ATP9A: variants seen among roughly 807,000 people sequenced by gnomAD.
ATP9A encodes ATPase phospholipid transporting 9A, also known as probable phospholipid-transporting ATPase IIA.
In ATP9A, 52 loss-of-function variants were observed where a neutral mutation model predicts 144.1. The observed-to-expected ratio is 0.36, with a 90% CI of 0.29 to 0.45. The LOEUF (loss-of-function observed/expected upper bound fraction) is 0.45, where lower values mean the gene tolerates loss of function less well. Among genes scored for constraint, ATP9A ranks in the 20% least tolerant of loss-of-function variants. The pLI, the probability that ATP9A is intolerant of heterozygous loss-of-function variation, is 1.00. For missense variants in ATP9A, 947 were observed against 1,392.7 expected (o/e 0.68, Z 5.09); for synonymous variants, 582 against 557.4 (o/e 1.04, Z -0.62).
chr20:51,724,218 G>C (rs1387454285), intron 3 of ATP9A, among the ~76,000 whole-genome samples: 1 of 152,162 alleles, frequency 6.6e-6, no homozygotes, highest in Non-Finnish European at 1.5e-5. Context: ...TTTATGAACA[G>C]AGAATCCAAG....
At chr20:51,750,998 A>G (rs1272326523) in intron 1 of ATP9A, among the ~76,000 whole-genome samples, 1 of 152,164 alleles carries the variant, frequency 6.6e-6, no homozygotes, top group East Asian at 1.9e-4. Flanking sequence ...ACGTCCAACA[A>G]GAGGCAGGAG....
At chr20:51,734,863 C>A in intron 1 of ATP9A, 1 of 216,660 alleles carries the variant, frequency 4.6e-6, no homozygotes, top group South Asian at 7.9e-5. Context: ...CCCAAGATCT[C>A]AAAGGGTGTC....
intron 10 of ATP9A, 129 bp downstream of exon 10, chr20:51,676,003 T>C (rs770597600): frequency 1.1e-5 from 7 of 637,526 alleles, no homozygotes; most frequent in Middle Eastern, 2.9e-4. Context: ...CACACACACA[T>C]ATGCATAAAA....
chr20:51,702,056 T>C (rs2077595521), intron 4 of ATP9A, among the ~76,000 whole-genome samples: 2 of 152,048 alleles, frequency 1.3e-5, no homozygotes, highest in South Asian at 4.2e-4. Flanking sequence ...TCCCAGCACT[T>C]TGGGAGGCCG....
Position 51,729,951 on chromosome 20 carries a change from A to G in ATP9A, c.96T>C (p.Gly32=). 1 of 1,569,410 alleles carries G rather than the reference A, an allele frequency of 6.4e-7. No homozygotes were observed. The highest frequency in any genetic ancestry group is 1.2e-5 in the South Asian group (1 of 84,936). Residue 32 remains glycine, a synonymous_variant, in exon 2 of 28, where the codon GGT becomes GGC. Transcript: ENST00000338821. ...CAGTGCGGGGCCTGGCCTCCCCTCC[A>G]CCGCAGCATCTCAGCCACTCGCAGC... The part of the protein sequence containing the change: ...AGCCEWLRCC[G]GGEARPRTVW...
intron 9 of ATP9A, among the ~76,000 whole-genome samples, chr20:51,677,226 G>A (rs1258913867): frequency 6.6e-6 from 1 of 151,950 alleles, no homozygotes; most frequent in Non-Finnish European, 1.5e-5. Context: ...GAGCCACCTC[G>A]CCCAACCCAA....
At chr20:51,621,162 A>AAC (rs2077225443) in intron 19 of ATP9A, among the ~76,000 whole-genome samples, 1 of 151,686 alleles carries the variant, frequency 6.6e-6, no homozygotes, top group Non-Finnish European at 1.5e-5. Context: ...AAAAAAAAAA[A>AAC]AGGAGAGATT....
intron 1 of ATP9A, among the ~76,000 whole-genome samples, chr20:51,750,093 T>C (rs2122901923): frequency 6.6e-6 from 1 of 152,148 alleles, no homozygotes; most frequent in Non-Finnish European, 1.5e-5. Flanking sequence ...AGGCGGAGGT[T>C]GCGGTGAGCC....
At chr20:51,731,083 A>AGGTACC (rs1461946506) in intron 1 of ATP9A, among the ~76,000 whole-genome samples, 1 of 151,520 alleles carries the variant, frequency 6.6e-6, no homozygotes, top group Admixed American at 6.6e-5. Flanking sequence ...AGGCAGGCGG[A>AGGTACC]TCATGAGGTC....
intron 1 of ATP9A, among the ~76,000 whole-genome samples, chr20:51,761,418 C>G (rs756612954): frequency 1.3e-5 from 2 of 152,156 alleles, no homozygotes; most frequent in Non-Finnish European, 2.9e-5. Context: ...TTCCCAGGGT[C>G]TGCAGCACAC....
At chr20:51,603,677 C>G (rs1191890408) in intron 27 of ATP9A, among the ~76,000 whole-genome samples, 1 of 152,164 alleles carries the variant, frequency 6.6e-6, no homozygotes, top group Admixed American at 6.5e-5. Context: ...CCAAGAGTAC[C>G]TGGAATCACT....
intron 9 of ATP9A, among the ~76,000 whole-genome samples, chr20:51,680,960 C>A (rs938910624): frequency 1.3e-5 from 2 of 152,130 alleles, no homozygotes; most frequent in South Asian, 2.1e-4. Flanking sequence ...CCCCTCCCCC[C>A]AAAATAACCG....
At chr20:51,712,921 C>A (rs1235997852) in intron 4 of ATP9A, 45 bp downstream of exon 4, 36 of 1,521,132 alleles carry the variant, frequency 2.4e-5, no homozygotes, top group East Asian at 4.8e-5. Flanking sequence ...GTCAGCGGCC[C>A]GTGATTGAGC....
At chr20:51,753,994 T>G (rs958656533) in intron 1 of ATP9A, among the ~76,000 whole-genome samples, 1 of 151,908 alleles carries the variant, frequency 6.6e-6, no homozygotes, top group Non-Finnish European at 1.5e-5. Context: ...TTTTTTTACA[T>G]AGATATGTAC....
At chr20:51,627,982 G>A (rs1385215943) in intron 16 of ATP9A, among the ~76,000 whole-genome samples, 1 of 152,176 alleles carries the variant, frequency 6.6e-6, no homozygotes. Flanking sequence ...ACTGCTGAAT[G>A]GGTGGAAAAA....
intron 4 of ATP9A, among the ~76,000 whole-genome samples, chr20:51,706,122 C>CA (rs1460597964): frequency 6.6e-6 from 1 of 152,164 alleles, no homozygotes; most frequent in Non-Finnish European, 1.5e-5. Flanking sequence ...TCTTTGGACT[C>CA]AGAGATGTGT....
chr20:51,725,642 G>A lies in ATP9A; in HGVS notation c.327+177C>T, dbSNP rs538262051. ...GGCTTTGCTATAGTTTGATCCAGGC[G>A]GTATATGAAATGGAGCTTCAACGTT... On this transcript the variant is annotated intron_variant, in intron 3 of 27. Transcript: ENST00000338821. Among the ~76,000 whole-genome samples, 27 of 152,286 alleles carry A rather than the reference G, an allele frequency of 1.8e-4. No homozygotes were observed. In the South Asian group the frequency reaches 5.0e-3, roughly 28 times the overall value.
intron 24 of ATP9A, among the ~76,000 whole-genome samples, chr20:51,609,883 C>A (rs2077178383): frequency 2.0e-5 from 3 of 152,198 alleles, no homozygotes; most frequent in Admixed American, 2.0e-4. Flanking sequence ...CCACACACAT[C>A]TCCAACTCCA....
chr20:51,716,845 C>T (rs1199736486), intron 3 of ATP9A, among the ~76,000 whole-genome samples: 1 of 152,132 alleles, frequency 6.6e-6, no homozygotes, highest in Non-Finnish European at 1.5e-5. Context: ...GATGACAAAA[C>T]TGAGGCTCAG....
Sources: allele counts gnomAD v4.1 joint callset (sites outside exome capture counted in the v4.1 genomes callset), GRCh38; gene constraint gnomAD v4.1.1; transcripts MANE v1.5; gene names NCBI Gene and HGNC (gene_info 2026-07-23, HGNC 2026-07-21).